Variants in ALK observed in about 807,000 individuals in gnomAD.
The protein encoded by ALK is ALK receptor tyrosine kinase, also known as ALK tyrosine kinase receptor.
Under a neutral mutation model 163.1 loss-of-function variants are expected in ALK, and 74 were observed. The ratio of observed to expected loss-of-function variants is 0.45; its 90% CI spans 0.38 to 0.55. The LOEUF is 0.55. Ranked by LOEUF, ALK falls within the 20% of genes least tolerant of loss-of-function variation. The pLI is 0.00. For missense variants in ALK, 2,063 were observed against 2,105.3 expected, an observed-to-expected ratio of 0.98 and a Z score of 0.39; for synonymous variants, 960 against 843.2, an observed-to-expected ratio of 1.14 and a Z score of -2.40.
intron 4 of ALK, among the ~76,000 whole-genome samples, chr2:29,517,114 A>G (rs554644672): frequency 2.0e-5 from 3 of 152,276 alleles, no homozygotes; most frequent in African/African-American, 4.8e-5. Context: ...TGTTTTGATG[A>G]AGTTGAGGCT....
chr2:29,637,144 G>C (rs1475883122), intron 3 of ALK, among the ~76,000 whole-genome samples: 1 of 152,158 alleles, frequency 6.6e-6, no homozygotes, highest in African/African-American at 2.4e-5. Context: ...CAAATATTTA[G>C]AGCAATTTTA....
chr2:29,505,470 T>C (rs936671345), intron 4 of ALK, among the ~76,000 whole-genome samples: 4 of 152,170 alleles, frequency 2.6e-5, no homozygotes, highest in African/African-American at 9.7e-5. Flanking sequence ...GTACTAGATG[T>C]CCTGAATATC....
chr2:29,258,986 A>T (rs1665017909), intron 11 of ALK, among the ~76,000 whole-genome samples: 2 of 152,070 alleles, frequency 1.3e-5, no homozygotes, highest in Non-Finnish European at 2.9e-5. Context: ...CATCTATATG[A>T]AATACACATA....
At chr2:29,208,973 G>C (rs190365684) in intron 25 of ALK, among the ~76,000 whole-genome samples, 8 of 152,196 alleles carry the variant, frequency 5.3e-5, no homozygotes, top group African/African-American at 1.9e-4. Flanking sequence ...AAAAAAATAA[G>C]GCTGCGCTAA....
intron 2 of ALK, among the ~76,000 whole-genome samples, chr2:29,701,811 T>C (rs867492332): frequency 6.6e-6 from 1 of 152,300 alleles, no homozygotes; most frequent in Middle Eastern, 3.4e-3. Flanking sequence ...ATTCAACAGA[T>C]GAAGGCATTG....
At position 29,636,827 on chromosome 2, in the gene ALK, A is replaced by C. The variant is rs1161683114; in HGVS notation, c.952+58023T>G. On this transcript the variant is annotated intron_variant, in intron 3 of 28. Transcript: ENST00000389048. ...CAAAAAGGATAAACAGCTGGAAAAT[A>C]AGCACACGAAAGATGTTAAATATCA... 2.0e-5 allele frequency among the ~76,000 whole-genome samples: 3 copies of C among 152,240 alleles called. No individual in the cohort carries two copies. In the East Asian group the frequency reaches 5.8e-4, roughly 29 times the overall value.
At chr2:29,426,607 G>T (rs2148071022) in intron 4 of ALK, among the ~76,000 whole-genome samples, 1 of 152,200 alleles carries the variant, frequency 6.6e-6, no homozygotes, top group Middle Eastern at 3.4e-3. Flanking sequence ...AATTTCTTCA[G>T]GCTGAAAGTA....
At chr2:29,915,723 G>A (rs1667817442) in intron 1 of ALK, among the ~76,000 whole-genome samples, 1 of 152,098 alleles carries the variant, frequency 6.6e-6, no homozygotes, top group Non-Finnish European at 1.5e-5. Context: ...TAGAACTGAT[G>A]GCATCTTCTC....
chr2:29,452,332 G>GTT (rs66533654), intron 4 of ALK, among the ~76,000 whole-genome samples: 130 of 146,154 alleles, frequency 8.9e-4, no homozygotes, highest in African/African-American at 2.5e-3. Flanking sequence ...AGTTTTTTTT[G>GTT]TTTTTTTTTT....
At chr2:29,689,231 C>G (rs547833224) in intron 3 of ALK, among the ~76,000 whole-genome samples, 4 of 152,262 alleles carry the variant, frequency 2.6e-5, no homozygotes, top group East Asian at 1.9e-4. Flanking sequence ...GCTGGGCAGC[C>G]CTTTATCATT....
At chr2:29,507,199 A>G (rs1672351959) in intron 4 of ALK, among the ~76,000 whole-genome samples, 1 of 152,250 alleles carries the variant, frequency 6.6e-6, no homozygotes, top group African/African-American at 2.4e-5. Flanking sequence ...AGCATTAAAA[A>G]AGGAAGAAAA....
intron 2 of ALK, among the ~76,000 whole-genome samples, chr2:29,704,671 T>C (rs1678843814): frequency 1.3e-5 from 2 of 152,164 alleles, no homozygotes; most frequent in African/African-American, 4.8e-5. Flanking sequence ...TCCTCCTGCA[T>C]GTATTCTTCT....
intron 3 of ALK, among the ~76,000 whole-genome samples, chr2:29,684,040 T>C (rs2148281091): frequency 6.6e-6 from 1 of 152,358 alleles, no homozygotes; most frequent in Middle Eastern, 3.4e-3. Context: ...CTAAGTAGAA[T>C]AATTCTGTAG....
chr2:29,602,625 A>G (rs533816700), intron 3 of ALK, among the ~76,000 whole-genome samples: 1 of 152,308 alleles, frequency 6.6e-6, no homozygotes, highest in African/African-American at 2.4e-5. Context: ...TGTTTGCTTG[A>G]TAATGTCACC....
intron 3 of ALK, among the ~76,000 whole-genome samples, chr2:29,636,320 G>T (rs1324008988): frequency 6.7e-6 from 1 of 148,358 alleles, no homozygotes; most frequent in Non-Finnish European, 1.5e-5. Context: ...GACATCCAGA[G>T]GCCAAAAATA....
chr2:29,216,627 C>A (rs1456231432), intron 23 of ALK, among the ~76,000 whole-genome samples: 1 of 151,240 alleles, frequency 6.6e-6, no homozygotes, highest in Non-Finnish European at 1.5e-5. Flanking sequence ...CTGTGGTGTG[C>A]GTGTGTATTG....
chr2:29,372,813 T>A (rs1185808751), intron 5 of ALK, among the ~76,000 whole-genome samples: 2 of 152,214 alleles, frequency 1.3e-5, no homozygotes, highest in East Asian at 3.8e-4. Context: ...CCTCTAATGT[T>A]GGAGAATAAA....
intron 20 of ALK, 92 bp from the exon 21 acceptor site, chr2:29,222,699 G>A (rs1669840196): frequency 1.2e-5 from 13 of 1,080,762 alleles, no homozygotes; most frequent in Non-Finnish European, 1.5e-5. Flanking sequence ...CACATTTAGT[G>A]GACAAACACG....
chr2:29,408,111 C>A (rs1375614114), intron 4 of ALK, among the ~76,000 whole-genome samples: 1 of 143,212 alleles, frequency 7.0e-6, no homozygotes, highest in East Asian at 2.1e-4. Context: ...GAGATGGAGT[C>A]TCGCTCTGTC....
Sources: allele counts gnomAD v4.1 joint callset (sites outside exome capture counted in the v4.1 genomes callset), GRCh38; gene constraint gnomAD v4.1.1; transcripts MANE v1.5; gene names NCBI Gene and HGNC (gene_info 2026-07-23, HGNC 2026-07-21).